Variants in CADM2 observed in about 807,000 individuals in gnomAD.
CADM2 encodes immunoglobulin superfamily member 4D.
Under a neutral mutation model 49.8 loss-of-function variants are expected in CADM2, and 12 were observed. The observed-to-expected ratio is 0.24, with a 90% CI of 0.15 to 0.39. CADM2 has a LOEUF of 0.39. Among genes scored for constraint, CADM2 ranks in the 10% least tolerant of loss-of-function variants. The pLI, the probability that CADM2 is intolerant of heterozygous loss-of-function variation, is 1.00. For missense variants in CADM2, 378 were observed against 492.3 expected (o/e 0.77, Z 2.20); for synonymous variants, 214 against 175.4 (o/e 1.22, Z -1.74).
At chr3:85,664,966 G>T (rs1443710308) in intron 1 of CADM2, among the ~76,000 whole-genome samples, 15 of 151,780 alleles carry the variant, frequency 9.9e-5, no homozygotes, top group Non-Finnish European at 1.5e-5. Context: ...CCACCAACTA[G>T]AATGTAAGCT....
intron 1 of CADM2, among the ~76,000 whole-genome samples, chr3:85,263,051 G>A (rs1183686403): frequency 6.6e-6 from 1 of 151,938 alleles, no homozygotes; most frequent in African/African-American, 2.4e-5. Flanking sequence ...GTAGTGCAGT[G>A]GCGCGATCTC....
chr3:85,529,052 C>T (rs1359909545), intron 1 of CADM2, among the ~76,000 whole-genome samples: 1 of 151,868 alleles, frequency 6.6e-6, no homozygotes. Context: ...ATTATTAGAA[C>T]ATTTTATAAA....
rs534046635 is a variant in CADM2 at position 85,939,765 on chromosome 3, T to C, written c.791+3908T>C. Among the ~76,000 whole-genome samples the C allele has an allele frequency of 4.7e-5, 7 of 149,806 alleles. No individual in the cohort carries two copies. The East Asian group carries it at 1.4e-3, about 30-fold the overall frequency. ...TTATGCTGTACTTACTATTTTACTT[T>C]CTGGTAACCACAATTTTTCTTTTGT... On this transcript the variant is annotated intron_variant, in intron 7 of 9. Transcript: ENST00000383699.
chr3:85,628,597 A>ATATACATATATATACATATT (rs1425456452), intron 1 of CADM2, among the ~76,000 whole-genome samples: 14 of 49,464 alleles, frequency 2.8e-4, no homozygotes, highest in African/African-American at 1.1e-3. Context: ...ATATACATAT[A>ATATACATATATATACATATT]TACACATATA....
chr3:85,076,409 A>G (rs2036945840), intron 1 of CADM2, among the ~76,000 whole-genome samples: 1 of 150,962 alleles, frequency 6.6e-6, no homozygotes, highest in South Asian at 2.1e-4. Context: ...GGGCAATGGC[A>G]TGGTATCAGC....
At chr3:85,541,153 AT>A (rs1553739091) in intron 1 of CADM2, among the ~76,000 whole-genome samples, 1 of 150,754 alleles carries the variant, frequency 6.6e-6, no homozygotes, top group Non-Finnish European at 1.5e-5. Context: ...ACATATATAC[AT>A]TTATATATTT....
intron 3 of CADM2, among the ~76,000 whole-genome samples, chr3:85,834,739 GAAA>G (rs61595691): frequency 7.1e-6 from 1 of 140,452 alleles, no homozygotes. Context: ...TCTTCTTGGG[GAAA>G]AAAAAAAAAA....
At chr3:85,998,782 A>G (rs1297176550) in intron 8 of CADM2, among the ~76,000 whole-genome samples, 3 of 152,162 alleles carry the variant, frequency 2.0e-5, no homozygotes, top group Non-Finnish European at 4.4e-5. Context: ...GCCATTGGAG[A>G]AATCTAGATA....
Position 85,593,503 on chromosome 3 carries a change from T to C in CADM2, c.62-133019T>C, listed in dbSNP as rs150632271. ...TCTTAGCCTTTGTGAGAGATTTCTA[T>C]CGTCATAGAGCATTTGTTTCCAACT... is the stretch of plus-strand genomic sequence containing the variant. On this transcript the variant is annotated intron_variant, in intron 1 of 9. Coordinates refer to ENST00000383699, the MANE Select transcript of CADM2 (RefSeq NM_001167675.2). 3.1e-3 allele frequency among the ~76,000 whole-genome samples: 468 copies of C among 152,142 alleles called. 1 individual carries two copies. Among genetic ancestry groups the C allele is most frequent in the African/African-American group, 0.01 (417 of 41,546 alleles).
intron 8 of CADM2, chr3:86,012,662 G>C (rs964875038): frequency 7.0e-7 from 1 of 1,421,034 alleles, no homozygotes; most frequent in East Asian, 2.3e-5. Flanking sequence ...CCAGGAGTGG[G>C]TGGAGAATTG....
chr3:85,303,111 G>A (rs1470585855), intron 1 of CADM2, among the ~76,000 whole-genome samples: 1 of 151,858 alleles, frequency 6.6e-6, no homozygotes, highest in Non-Finnish European at 1.5e-5. Context: ...GTGTTTGTGT[G>A]GGTGTAAAAG....
At position 85,736,898 on chromosome 3, in the gene CADM2, G is replaced by C. The variant is rs139301751; in HGVS notation, c.88+10350G>C. 5.8e-3 allele frequency among the ~76,000 whole-genome samples: 881 copies of C among 152,252 alleles called. 12 individuals are homozygous for C. The highest frequency in any genetic ancestry group is 0.021 in the African/African-American group (853 of 41,564). On this transcript the variant is annotated intron_variant, in intron 2 of 9. Coordinates refer to ENST00000383699, the MANE Select transcript of CADM2 (RefSeq NM_001167675.2). ...AATAATGGTAGATTGGCCCAGAGTG[G>C]TCAGTGGTAATGTCAGAGAGAAATT... is the stretch of plus-strand genomic sequence containing the variant.
intron 1 of CADM2, among the ~76,000 whole-genome samples, chr3:85,115,966 C>T (rs561193529): frequency 1.3e-5 from 2 of 152,202 alleles, no homozygotes; most frequent in African/African-American, 2.4e-5. Context: ...ATCAGTAACA[C>T]ATTCATGATT....
intron 1 of CADM2, among the ~76,000 whole-genome samples, chr3:85,247,554 A>G (rs1364292925): frequency 6.6e-6 from 1 of 152,168 alleles, no homozygotes; most frequent in Non-Finnish European, 1.5e-5. Flanking sequence ...CCAAAATGAT[A>G]TACTTCAGGT....
Position 85,275,080 on chromosome 3 carries a change from G to A in CADM2, c.61+315412G>A, listed in dbSNP as rs371344282. 1.8e-3 allele frequency among the ~76,000 whole-genome samples: 270 copies of A among 151,460 alleles called. 1 individual carries two copies. The highest frequency in any genetic ancestry group is 6.3e-3 in the African/African-American group (260 of 41,446). On this transcript the variant is annotated intron_variant, in intron 1 of 9. Transcript: ENST00000383699. ...GTGGCTGAAGAGGAAGTGGGGGGAA[G>A]TATATTAAGGCCATTTTAAATGTTC...
chr3:85,525,116 T>C (rs1275123919), intron 1 of CADM2, among the ~76,000 whole-genome samples: 1 of 152,072 alleles, frequency 6.6e-6, no homozygotes, highest in African/African-American at 2.4e-5. Flanking sequence ...GTAACAAACC[T>C]GCACGTTCTG....
rs1491217957 is a variant in CADM2, at chr3:85,288,794, CCT to C, written c.61+329129_61+329130del. Among the ~76,000 whole-genome samples, 55 of 132,824 alleles carry C rather than the reference CCT, an allele frequency of 4.1e-4. 1 individual carries two copies. The highest frequency in any genetic ancestry group is 3.7e-3 in the Middle Eastern group (1 of 272). 87.1% of individuals were successfully genotyped at this position (132,824 alleles called of 152,430 possible). ...CTGCTTTACCAATATGCCCCCCCCC[CCT>C]CTTTTTTTCCATCATGGCTAATTTC... On this transcript the variant is annotated intron_variant, in intron 1 of 9. Transcript: ENST00000383699.
At chr3:85,679,131 A>G (rs2065968362) in intron 1 of CADM2, among the ~76,000 whole-genome samples, 1 of 152,214 alleles carries the variant, frequency 6.6e-6, no homozygotes, top group African/African-American at 2.4e-5. Flanking sequence ...ATTAAATATG[A>G]TAAATAAAAG....
At chr3:85,124,693 G>C (rs376119453) in intron 1 of CADM2, among the ~76,000 whole-genome samples, 1 of 152,114 alleles carries the variant, frequency 6.6e-6, no homozygotes, top group African/African-American at 2.4e-5. Context: ...TTACACCTAA[G>C]CTAAGGAACA....
Sources: allele counts gnomAD v4.1 joint callset (sites outside exome capture counted in the v4.1 genomes callset), GRCh38; gene constraint gnomAD v4.1.1; transcripts MANE v1.5; gene names NCBI Gene and HGNC (gene_info 2026-07-23, HGNC 2026-07-21).